Variants in PFKFB3 observed in about 807,000 individuals in gnomAD.
The protein encoded by PFKFB3 is 6-phosphofructo-2-kinase/fructose-2,6-bisphosphatase 3.
Under a neutral mutation model 68.0 loss-of-function variants are expected in PFKFB3, and 33 were observed. The observed-to-expected ratio is 0.49, with a 90% CI of 0.37 to 0.65. The LOEUF is 0.65. PFKFB3 is among the 30% of genes least tolerant of loss of function. The pLI is 0.00. For missense variants in PFKFB3, 586 were observed against 712.2 expected (o/e 0.82, Z 2.02); for synonymous variants, 315 against 288.2 (o/e 1.09, Z -0.94).
intron 14 of PFKFB3, among the ~76,000 whole-genome samples, chr10:6,251,691 C>G (rs577529686): frequency 4.6e-5 from 7 of 152,176 alleles, no homozygotes; most frequent in Non-Finnish European, 1.0e-4. Flanking sequence ...GAGGCCTTGG[C>G]TGGGTGCAGT....
At chr10:6,179,954 G>C (rs149497614) in intron 1 of PFKFB3, among the ~76,000 whole-genome samples, 2 of 152,264 alleles carry the variant, frequency 1.3e-5, no homozygotes, top group East Asian at 3.9e-4. Context: ...AACGCCCGGT[G>C]AGGTCGATCC....
At chr10:6,223,567 G>C (rs953176104) in intron 11 of PFKFB3, among the ~76,000 whole-genome samples, 1 of 152,156 alleles carries the variant, frequency 6.6e-6, no homozygotes, top group Non-Finnish European at 1.5e-5. Flanking sequence ...CAGGGCTTCC[G>C]AGGGTCCTTG....
chr10:6,161,566 GTATATATATACACACACACA>G (rs1315031696), intron 1 of PFKFB3, among the ~76,000 whole-genome samples: 1 of 98,344 alleles, frequency 1.0e-5, no homozygotes, highest in African/African-American at 3.0e-5. Flanking sequence ...ACACACATAT[GTATATATATACACACACACA>G]TATATATATA....
chr10:6,196,562 A>G (rs1174083935), intron 1 of PFKFB3, among the ~76,000 whole-genome samples: 1 of 152,116 alleles, frequency 6.6e-6, no homozygotes, highest in Non-Finnish European at 1.5e-5. Context: ...AAGAATTTGG[A>G]GTCTGATGTT....
chr10:6,152,176 C>T lies in PFKFB3; in HGVS notation c.16+7163C>T, dbSNP rs543056551. The stretch of plus-strand genomic sequence containing the variant: ...TCAAGGCCACTAATGGGTGGTGACC[C>T]ACACTTTTGAGATGCCTGTTCCGGG... On this transcript the variant is annotated intron_variant, in intron 1 of 14. Transcript: ENST00000379789. The T allele has an allele frequency of 2.9e-3, 443 of 154,562 alleles. 2 individuals carry two copies. Among genetic ancestry groups the T allele is most frequent in the African/African-American group, 0.01 (431 of 41,546 alleles). 9.6% of individuals were successfully genotyped at this position (154,562 alleles called of 1,614,324 possible).
At chr10:6,273,557 T>C in the PFKFB3 span, among the ~76,000 whole-genome samples, 1 of 152,132 alleles carries the variant, frequency 6.6e-6, no homozygotes, top group Non-Finnish European at 1.5e-5. Context: ...GCATGGAGAT[T>C]GGACTGGAGT....
At chr10:6,180,371 G>A (rs1468565598) in intron 1 of PFKFB3, among the ~76,000 whole-genome samples, 1 of 152,200 alleles carries the variant, frequency 6.6e-6, no homozygotes, top group Non-Finnish European at 1.5e-5. Flanking sequence ...AGGAAAATAT[G>A]AAGAAAGAAA....
At chr10:6,166,630 A>G (rs948320407) in intron 1 of PFKFB3, among the ~76,000 whole-genome samples, 1 of 152,082 alleles carries the variant, frequency 6.6e-6, no homozygotes, top group Non-Finnish European at 1.5e-5. Flanking sequence ...CTTCTCTCAG[A>G]CGGAGGCAGC....
chr10:6,283,462 T>C, the PFKFB3 span, among the ~76,000 whole-genome samples: 1 of 142,824 alleles, frequency 7.0e-6, no homozygotes, highest in East Asian at 2.0e-4. Context: ...CCTCCATCCC[T>C]GCTGTGCCTA....
At position 6,221,479 on chromosome 10, in the gene PFKFB3, G is replaced by A. The variant is rs138134300; in HGVS notation, c.930G>A (p.Ala310=). Residue 310 remains alanine (A), a synonymous_variant, in exon 9 of 15, where the codon GCG becomes GCA. Transcript: ENST00000379775. Reference sequence around the variant, plus strand: ...AGAGCACCATCCAGACGGCCGAGGCGCTGCGGCTGCCCTACGAGCAGTGGA... The same window carrying A: ...AGAGCACCATCCAGACGGCCGAGGCACTGCGGCTGCCCTACGAGCAGTGGA... ...QLKSTIQTAE[A]LRLPYEQWKA... is the part of the protein sequence containing the mutation. The A allele has an allele frequency of 4.5e-4, 721 of 1,613,610 alleles. 2 individuals are homozygous for A. The highest frequency in any genetic ancestry group is 4.1e-4 in the Non-Finnish European group (479 of 1,180,002).
the PFKFB3 span, among the ~76,000 whole-genome samples, chr10:6,281,530 C>T: frequency 6.6e-6 from 1 of 152,120 alleles, no homozygotes; most frequent in Non-Finnish European, 1.5e-5. Context: ...CATAGAGGCT[C>T]AGACAGCTCT....
chr10:6,323,614 G>A, the PFKFB3 span, among the ~76,000 whole-genome samples: 1 of 152,190 alleles, frequency 6.6e-6, no homozygotes, highest in Admixed American at 6.5e-5. Flanking sequence ...TACAGATTGA[G>A]AAATTTACTT....
At chr10:6,232,372 T>A (rs1845802476) in intron 14 of PFKFB3, among the ~76,000 whole-genome samples, 1 of 152,140 alleles carries the variant, frequency 6.6e-6, no homozygotes, top group African/African-American at 2.4e-5. Context: ...GCTCCCCACC[T>A]GGGCCTCCCC....
At chr10:6,162,020 C>T (rs35420438) in intron 1 of PFKFB3, among the ~76,000 whole-genome samples, 19,568 of 152,224 alleles carry the variant, frequency 0.13, 1,691 homozygotes, top group Non-Finnish European at 0.18. Context: ...GACTGAAACT[C>T]TGCACCCATT....
At position 6,154,998 on chromosome 10, in the gene PFKFB3, G is replaced by A. The variant is rs1162490383; in HGVS notation, c.16+9985G>A. Among the ~76,000 whole-genome samples the A allele has an allele frequency of 6.6e-6, 1 of 152,150 alleles. No homozygotes were observed. Among genetic ancestry groups the A allele is most frequent in the Non-Finnish European group, 1.5e-5 (1 of 68,028 alleles). On this transcript the variant is annotated intron_variant, in intron 1 of 14. Transcript: ENST00000379789. This position sits in a 1 kb window ranked among gnomAD's most constrained non-coding sequence, Gnocchi z 4.6. ...GTTTCTGTCTGTGGTTCAAAAGGAT[G>A]GGACCCAGTAAGCAGCCTTCCAGAA...
At chr10:6,161,699 C>G (rs1315409475) in intron 1 of PFKFB3, among the ~76,000 whole-genome samples, 1 of 151,764 alleles carries the variant, frequency 6.6e-6, no homozygotes, top group Non-Finnish European at 1.5e-5. Context: ...GTGGTGCCAT[C>G]AGGACTTGCT....
chr10:6,308,123 A>G, the PFKFB3 span, among the ~76,000 whole-genome samples: 3 of 152,218 alleles, frequency 2.0e-5, no homozygotes, highest in African/African-American at 4.8e-5. Context: ...ATAGCAGTTT[A>G]AAATGGATCA....
intron 1 of PFKFB3, among the ~76,000 whole-genome samples, chr10:6,167,416 A>G (rs1842176965): frequency 1.3e-5 from 2 of 152,224 alleles, no homozygotes; most frequent in South Asian, 4.1e-4. Context: ...CATTTGCTGA[A>G]TTAATAGCTT....
At chr10:6,165,103 C>G (rs1842089367) in intron 1 of PFKFB3, among the ~76,000 whole-genome samples, 1 of 152,172 alleles carries the variant, frequency 6.6e-6, no homozygotes. Flanking sequence ...CTCAGGCTGT[C>G]TCAGTGGGGG....
Sources: allele counts gnomAD v4.1 joint callset (sites outside exome capture counted in the v4.1 genomes callset), GRCh38; gene constraint gnomAD v4.1.1; non-coding constraint Gnocchi (gnomAD v3.1); transcripts MANE v1.5; gene names NCBI Gene and HGNC (gene_info 2026-07-23, HGNC 2026-07-21).